The following RASAL2 variants were observed in gnomAD, a reference collection of about 807,000 sequenced individuals.
The protein encoded by RASAL2 is RAS protein activator like 2.
Under a neutral mutation model 128.9 loss-of-function variants are expected in RASAL2, and 58 were observed. The observed-to-expected ratio is 0.45, with a 90% CI of 0.36 to 0.56. The LOEUF (loss-of-function observed/expected upper bound fraction) is 0.56. RASAL2 is among the 20% of genes least tolerant of loss of function. The pLI is 0.00. For missense variants in RASAL2, 1,360 were observed against 1,601.6 expected (o/e 0.85, Z 2.57); for synonymous variants, 561 against 580.8 (o/e 0.97, Z 0.49).
Position 178,325,300 on chromosome 1 carries a change from G to C in RASAL2, c.457+25182G>C, listed in dbSNP as rs536646705. On this transcript the variant is annotated intron_variant, in intron 3 of 17. Transcript: ENST00000367649. Reference sequence around the variant, plus strand: ...GAAGGAAGTAAAAGCGAGTGAATTAGAAAGAGAACTAGTAATAGAGGAAAG... The same window carrying C: ...GAAGGAAGTAAAAGCGAGTGAATTACAAAGAGAACTAGTAATAGAGGAAAG... Among the ~76,000 whole-genome samples the C allele has an allele frequency of 3.8e-4, 58 of 152,298 alleles. No individual in the cohort carries two copies. In the South Asian group the frequency reaches 0.012, roughly 31 times the overall value.
chr1:178,456,514 C>T, intron 12 of RASAL2: 1 of 659,964 alleles, frequency 1.5e-6, no homozygotes, highest in African/African-American at 1.8e-5. Context: ...GTCTGCCGCA[C>T]CTTGTTTCGC....
intron 1 of RASAL2, among the ~76,000 whole-genome samples, chr1:178,188,796 T>C (rs1042226448): frequency 1.3e-5 from 2 of 152,312 alleles, no homozygotes; most frequent in East Asian, 1.9e-4. Context: ...TTTACAGATA[T>C]CTGTATACTA....
At chr1:178,095,775 G>A (rs1658657039) in intron 1 of RASAL2, among the ~76,000 whole-genome samples, 1 of 152,164 alleles carries the variant, frequency 6.6e-6, no homozygotes, top group Non-Finnish European at 1.5e-5. Flanking sequence ...CATAGAACTA[G>A]GAGTCCAGAG....
At chr1:178,369,192 G>A (rs1015918122) in intron 3 of RASAL2, among the ~76,000 whole-genome samples, 1 of 150,544 alleles carries the variant, frequency 6.6e-6, no homozygotes, top group African/African-American at 2.4e-5. Context: ...ATGGGGTCTC[G>A]CTTGTACCCC....
chr1:178,208,741 C>A (rs903831685), intron 1 of RASAL2, among the ~76,000 whole-genome samples: 1 of 152,142 alleles, frequency 6.6e-6, no homozygotes, highest in Admixed American at 6.5e-5. Flanking sequence ...TGTACCTACT[C>A]TCTGTTATTA....
chr1:178,108,114 A>G (rs1659166101), intron 1 of RASAL2, among the ~76,000 whole-genome samples: 1 of 152,140 alleles, frequency 6.6e-6, no homozygotes, highest in Non-Finnish European at 1.5e-5. Context: ...CCTTACCAAC[A>G]TTTATTATTC....
At chr1:178,466,948 G>A (rs1283670117) in intron 16 of RASAL2, among the ~76,000 whole-genome samples, 1 of 152,224 alleles carries the variant, frequency 6.6e-6, no homozygotes, top group Non-Finnish European at 1.5e-5. Context: ...TAGGTATAGA[G>A]TACTCATTGA....
chr1:178,420,368 A>G (rs1675064031), intron 4 of RASAL2, 143 bp from the exon 5 acceptor site: 2 of 492,876 alleles, frequency 4.1e-6, no homozygotes, highest in Non-Finnish European at 7.0e-6. Flanking sequence ...AGTGACTATT[A>G]TTTACAAAAT....
intron 3 of RASAL2, among the ~76,000 whole-genome samples, chr1:178,311,483 A>G (rs1390961722): frequency 6.6e-6 from 1 of 152,146 alleles, no homozygotes; most frequent in Non-Finnish European, 1.5e-5. Context: ...TCCACTGAAC[A>G]ACTGTTCTTC....
chr1:178,157,590 T>TA (rs1661125705), intron 1 of RASAL2, among the ~76,000 whole-genome samples: 1 of 152,148 alleles, frequency 6.6e-6, no homozygotes, highest in South Asian at 2.1e-4. Context: ...GTTGCTGGTT[T>TA]AGAGTAGGGA....
At position 178,468,976 on chromosome 1, in the gene RASAL2, CT is replaced by C. The variant is rs1389603152; in HGVS notation, c.3678+1560del. 3.9e-5 allele frequency among the ~76,000 whole-genome samples: 6 copies of C among 152,132 alleles called. 1 individual carries two copies. The highest frequency in any genetic ancestry group is 3.9e-4 in the Admixed American group (6 of 15,278). On this transcript the variant is annotated intron_variant, in intron 17 of 17. Coordinates refer to ENST00000367649, the MANE Select transcript of RASAL2 (RefSeq NM_170692.4). ...TGTTAGTACTAAGAGATAAAACAGA[CT>C]TTTTAAATAATTTCAGCTGGTTTAA...
intron 15 of RASAL2, among the ~76,000 whole-genome samples, chr1:178,464,828 G>GTTTTTTTTTTTT (rs1647484895): frequency 2.9e-5 from 1 of 34,442 alleles, no homozygotes; most frequent in African/African-American, 1.4e-4. Flanking sequence ...TTTGGTTTTA[G>GTTTTTTTTTTTT]TTGTTTTTTT....
chr1:178,216,511 A>T (rs1267299796), intron 1 of RASAL2, among the ~76,000 whole-genome samples: 1 of 152,268 alleles, frequency 6.6e-6, no homozygotes, highest in African/African-American at 2.4e-5. Context: ...AGACTATTTT[A>T]TCTAGTTTAA....
At chr1:178,358,907 G>C (rs1670961174) in intron 3 of RASAL2, among the ~76,000 whole-genome samples, 1 of 152,068 alleles carries the variant, frequency 6.6e-6, no homozygotes, top group Non-Finnish European at 1.5e-5. Context: ...GACTGAACCT[G>C]AATACCAACC....
intron 3 of RASAL2, among the ~76,000 whole-genome samples, chr1:178,364,514 TACCTAGTAC>T (rs1171635083): frequency 6.6e-6 from 1 of 152,240 alleles, no homozygotes; most frequent in East Asian, 1.9e-4. Context: ...CCTCACGTAC[TACCTAGTAC>T]ATTGTAAATG....
chr1:178,268,246 G>A (rs577306698), intron 1 of RASAL2, among the ~76,000 whole-genome samples: 1 of 152,154 alleles, frequency 6.6e-6, no homozygotes, highest in Admixed American at 6.5e-5. Flanking sequence ...GAGGCGGGTG[G>A]ATCACGAAGT....
intron 3 of RASAL2, among the ~76,000 whole-genome samples, chr1:178,346,334 A>G (rs1670153502): frequency 6.6e-6 from 1 of 152,046 alleles, no homozygotes; most frequent in Non-Finnish European, 1.5e-5. Flanking sequence ...CCCAGGAATC[A>G]AGACTGCAGT....
At chr1:178,304,297 G>A (rs1000534361) in intron 3 of RASAL2, among the ~76,000 whole-genome samples, 2 of 152,142 alleles carry the variant, frequency 1.3e-5, no homozygotes, top group African/African-American at 4.8e-5. Flanking sequence ...GCTGAAGCTG[G>A]AGGGTCACTT....
chr1:178,144,947 T>C (rs539240236), intron 1 of RASAL2, among the ~76,000 whole-genome samples: 11 of 152,222 alleles, frequency 7.2e-5, no homozygotes, highest in Non-Finnish European at 1.5e-4. Flanking sequence ...TATTATTTAG[T>C]ATCCTTTTGC....
Sources: allele counts gnomAD v4.1 joint callset (sites outside exome capture counted in the v4.1 genomes callset), GRCh38; gene constraint gnomAD v4.1.1; transcripts MANE v1.5; gene names NCBI Gene and HGNC (gene_info 2026-07-23, HGNC 2026-07-21).